The following PCM1 variants were observed in gnomAD, a reference collection of about 807,000 sequenced individuals.
PCM1 encodes pericentriolar material 1.
A neutral mutation model predicts 241.9 loss-of-function variants in PCM1; 157 were observed. The ratio of observed to expected loss-of-function variants is 0.65; its 90% confidence interval spans 0.57 to 0.74. The LOEUF (loss-of-function observed/expected upper bound fraction) is 0.74. Among genes scored for constraint, PCM1 ranks in the 30% least tolerant of loss-of-function variants. The pLI is 0.00. For missense variants in PCM1, 3,478 were observed against 2,360.1 expected (o/e 1.47, Z -9.81); for synonymous variants, 1,085 against 784.9 (o/e 1.38, Z -6.39).
intron 29 of PCM1, among the ~76,000 whole-genome samples, chr8:17,998,463 G>C (rs1006848872): frequency 6.6e-6 from 1 of 152,204 alleles, no homozygotes; most frequent in African/African-American, 2.4e-5. Context: ...AGAATTCTCT[G>C]AATTACCAGG....
At chr8:17,957,121 G>C in intron 11 of PCM1, 143 bp from the exon 12 acceptor site, 1 of 624,284 alleles carries the variant, frequency 1.6e-6, no homozygotes. Flanking sequence ...TGAAAAGCAG[G>C]AGTCGATTAT....
At chr8:17,944,453 C>A (rs2063158572) in intron 6 of PCM1, among the ~76,000 whole-genome samples, 1 of 152,078 alleles carries the variant, frequency 6.6e-6, no homozygotes, top group Non-Finnish European at 1.5e-5. Flanking sequence ...AGGAGAACCT[C>A]AGTTGAGTAG....
At chr8:17,928,495 C>G (rs535702381) in intron 2 of PCM1, among the ~76,000 whole-genome samples, 106 of 151,760 alleles carry the variant, frequency 7.0e-4, no homozygotes, top group Non-Finnish European at 1.3e-3. Flanking sequence ...AAGAGATGTT[C>G]TTCTTCCTCT....
chr8:17,972,697 G>T lies in PCM1; in HGVS notation c.3943+10G>T. On this transcript the variant is annotated intron_variant, in intron 23 of 38. Transcript: ENST00000325083. ...AGAGTTAAAAACATCAGTAAGTGTT[G>T]AAATTTGTTGAATGTTGATCAGTGT... is the stretch of plus-strand genomic sequence containing the variant. 6.9e-7 allele frequency: 1 copy of T among 1,458,464 alleles called. No homozygotes were observed. Among genetic ancestry groups the T allele is most frequent in the Non-Finnish European group, 9.2e-7 (1 of 1,091,790 alleles). The allele number at this position is 1,458,464 out of a possible 1,614,324, so 90.3% of individuals were successfully genotyped here.
At chr8:17,968,760 G>GTATA (rs1171536407) in intron 21 of PCM1, among the ~76,000 whole-genome samples, 8 of 128,008 alleles carry the variant, frequency 6.2e-5, no homozygotes, top group African/African-American at 1.5e-4. Context: ...GTGTGTGTGT[G>GTATA]TGTATATATA....
intron 2 of PCM1, chr8:17,927,300 T>G (rs1270667054): frequency 6.6e-6 from 1 of 151,912 alleles, no homozygotes; most frequent in African/African-American, 2.4e-5. Flanking sequence ...GTGGCTAATA[T>G]TTGCGTTTTT....
At chr8:17,928,440 A>C (rs1462978906) in intron 2 of PCM1, among the ~76,000 whole-genome samples, 1 of 151,958 alleles carries the variant, frequency 6.6e-6, no homozygotes, top group Non-Finnish European at 1.5e-5. Flanking sequence ...ACATCTGCTA[A>C]GCAGCCTCCA....
At chr8:17,993,413 T>C in intron 28 of PCM1, 70 bp from the exon 29 acceptor site, 2 of 1,041,288 alleles carry the variant, frequency 1.9e-6, no homozygotes, top group Non-Finnish European at 2.7e-6. Context: ...TTTTCAAATT[T>C]CAACATAAAG....
chr8:18,013,783 C>A, intron 34 of PCM1, 181 bp from the exon 35 acceptor site: 3 of 548,046 alleles, frequency 5.5e-6, no homozygotes, highest in Non-Finnish European at 9.6e-6. Context: ...CAAGGAAACC[C>A]TTTAACTTAG....
chr8:18,019,548 C>T (rs954228435), intron 36 of PCM1, among the ~76,000 whole-genome samples: 2 of 152,098 alleles, frequency 1.3e-5, no homozygotes, highest in African/African-American at 4.8e-5. Flanking sequence ...ATGGTCATAT[C>T]TGGGGATGAT....
rs375539538 is a variant in PCM1, at chr8:17,985,398, A to C, written c.4109-49A>C. 286 of 1,315,492 alleles carry C rather than the reference A, an allele frequency of 2.2e-4. 1 individual carries two copies. The highest frequency in any genetic ancestry group is 2.7e-4 in the Non-Finnish European group (261 of 955,668). 81.5% of individuals were successfully genotyped at this position (1,315,492 alleles called of 1,614,324 possible). ...ATGATACTAGCTAATAAAAGTTGTC[A>C]TGAAGGTACTTCATCAATATTAACT... On this transcript the variant is annotated intron_variant, in intron 24 of 38. Coordinates refer to ENST00000325083, the MANE Select transcript of PCM1 (RefSeq NM_006197.4).
intron 24 of PCM1, among the ~76,000 whole-genome samples, chr8:17,984,203 A>C (rs1201347479): frequency 6.6e-6 from 1 of 152,106 alleles, no homozygotes; most frequent in African/African-American, 2.4e-5. Context: ...AGAGGTATTA[A>C]ATATGTCATT....
intron 3 of PCM1, 30 bp from the exon 4 acceptor site, chr8:17,937,104 A>C: frequency 6.6e-7 from 1 of 1,515,672 alleles, no homozygotes; most frequent in Non-Finnish European, 8.9e-7. Context: ...GATACAGGCC[A>C]TGTTAATTTT....
chr8:18,007,256 G>A (rs2091586070), intron 30 of PCM1, among the ~76,000 whole-genome samples: 1 of 151,906 alleles, frequency 6.6e-6, no homozygotes, highest in South Asian at 2.1e-4. Context: ...TCTTATTTCT[G>A]TGTTTAAACT....
At chr8:18,024,467 TCTAA>T (rs575799246) in intron 36 of PCM1, among the ~76,000 whole-genome samples, 4 of 152,248 alleles carry the variant, frequency 2.6e-5, no homozygotes, top group Admixed American at 6.5e-5. Flanking sequence ...GAGTAACTCT[TCTAA>T]CTCTTTTGTT....
At chr8:18,026,973 C>G (rs146535447) in intron 38 of PCM1, among the ~76,000 whole-genome samples, 1 of 152,146 alleles carries the variant, frequency 6.6e-6, no homozygotes, top group Non-Finnish European at 1.5e-5. Flanking sequence ...TAGAGCCAAG[C>G]GATAGTCTCA....
At chr8:17,946,696 A>G (rs1051157119) in intron 6 of PCM1, among the ~76,000 whole-genome samples, 6 of 151,996 alleles carry the variant, frequency 3.9e-5, no homozygotes, top group African/African-American at 1.2e-4. Context: ...GGGGTTTCAT[A>G]TGTTGGTCAG....
At chr8:17,974,997 G>A (rs1325995477) in intron 23 of PCM1, among the ~76,000 whole-genome samples, 3 of 152,060 alleles carry the variant, frequency 2.0e-5, no homozygotes, top group African/African-American at 7.2e-5. Flanking sequence ...TCTGAACTGT[G>A]GACAAGCAGC....
intron 7 of PCM1, 25 bp from the exon 8 acceptor site, chr8:17,950,590 T>A (rs189076329): frequency 8.9e-7 from 1 of 1,128,414 alleles, no homozygotes; most frequent in Non-Finnish European, 1.3e-6. Context: ...TTTACATTAA[T>A]CAGTAGTTAC....
Sources: gnomAD v4.1 joint callset for allele counts (sites outside exome capture counted in the v4.1 genomes callset) on GRCh38, gnomAD v4.1.1 for gene constraint, MANE v1.5 for transcripts, NCBI Gene and HGNC (gene_info 2026-07-23, HGNC 2026-07-21) for gene names.